The following PANK3 variants were observed in gnomAD, a reference collection of about 807,000 sequenced individuals.
PANK3 encodes hPanK3.
A neutral mutation model predicts 39.4 loss-of-function variants in PANK3; 20 were observed. The ratio of observed to expected loss-of-function variants is 0.51; its 90% CI spans 0.36 to 0.74. The LOEUF (loss-of-function observed/expected upper bound fraction) is 0.74. Ranked by LOEUF, PANK3 falls within the 30% of genes least tolerant of loss-of-function variation. The probability of loss-of-function intolerance (pLI) is 0.00; values close to 1 mark genes in which losing one functional copy is unlikely to be tolerated. For synonymous variants in PANK3, 140 were observed against 157.3 expected (o/e 0.89, Z 0.82); for missense variants, 265 against 437.0 (o/e 0.61, Z 3.51).
At position 168,557,459 on chromosome 5, in the gene PANK3, T is replaced by A. The variant is rs576810637; in HGVS notation, c.*112A>T. The A allele has an allele frequency of 7.6e-6, 7 of 924,052 alleles. No homozygotes were observed. The African/African-American group carries it at 1.2e-4, about 15-fold the overall frequency. 57.2% of individuals were successfully genotyped at this position (924,052 alleles called of 1,614,324 possible). A position where few individuals can be genotyped will look rare whatever the true frequency, so the allele number is the denominator to read the frequency against. On this transcript the variant is annotated 3_prime_UTR_variant, in exon 7 of 7. Transcript: ENST00000239231. ...CTTTAATATGGCAACATTCAGCAGC[T>A]TATGCTACTCTTTTATCCTTTGGTT...
rs1759301642 is a variant in PANK3 at position 168,553,370 on chromosome 5, C to T, written c.*4201G>A. On this transcript the variant is annotated 3_prime_UTR_variant, in exon 7 of 7. Transcript: ENST00000239231. ...TAGTGGCCCAGGATCAGCATTTCAA[C>T]CAACTCAGCTTGTCTGCAGAATCCC... 1 of 497,824 alleles carries T rather than the reference C, an allele frequency of 2.0e-6. No homozygotes were observed. Among genetic ancestry groups the T allele is most frequent in the Non-Finnish European group, 4.0e-6 (1 of 247,132 alleles). 30.8% of individuals were successfully genotyped at this position (497,824 alleles called of 1,614,324 possible). A position where few individuals can be genotyped will look rare whatever the true frequency, so the allele number is the denominator to read the frequency against.
In PANK3 at chr5:168,551,107, G is replaced by A. The variant is rs7341028; in HGVS notation, c.*6464C>T. ...CTTAACAGAAGGAATTCCTTTTTTAGGTCTTTAGTGATTATTACTAGGCTC... is the reference window on the plus strand; with the variant it reads ...CTTAACAGAAGGAATTCCTTTTTTAAGTCTTTAGTGATTATTACTAGGCTC... On this transcript the variant is annotated 3_prime_UTR_variant, in exon 7 of 7. Transcript: ENST00000239231. 3.3e-5 allele frequency: 5 copies of A among 152,058 alleles called. No individual in the cohort carries two copies. The highest frequency in any genetic ancestry group is 7.4e-5 in the Non-Finnish European group (5 of 67,978). 9.4% of individuals were successfully genotyped at this position (152,058 alleles called of 1,614,324 possible).
intron 1 of PANK3, among the ~76,000 whole-genome samples, chr5:168,572,867 G>A (rs949714965): frequency 2.6e-5 from 4 of 152,096 alleles, no homozygotes; most frequent in Non-Finnish European, 5.9e-5. Flanking sequence ...GGGCTGCTTC[G>A]AGTGGGATTA....
chr5:168,558,175 G>C (rs11740279), intron 6 of PANK3, among the ~76,000 whole-genome samples: 1 of 101,546 alleles, frequency 9.8e-6, no homozygotes, highest in Non-Finnish European at 1.9e-5. Flanking sequence ...TTTTTTTTTA[G>C]ACAGTCTCGC....
intron 1 of PANK3, among the ~76,000 whole-genome samples, chr5:168,577,731 A>T (rs545962589): frequency 1.3e-5 from 2 of 152,314 alleles, no homozygotes; most frequent in African/African-American, 2.4e-5. Flanking sequence ...AGTTTGTTCA[A>T]ATCTAAGTAA....
chr5:168,572,545 A>G (rs1163651123), intron 1 of PANK3, among the ~76,000 whole-genome samples: 1 of 151,456 alleles, frequency 6.6e-6, no homozygotes, highest in Admixed American at 6.6e-5. Flanking sequence ...TGAGAATTAC[A>G]AAGAACCTTC....
intron 3 of PANK3, among the ~76,000 whole-genome samples, chr5:168,565,314 A>C (rs1033986559): frequency 2.6e-5 from 4 of 152,160 alleles, no homozygotes; most frequent in African/African-American, 9.6e-5. Context: ...TTTATATCTT[A>C]TTTCTCATTC....
rs771907819 is a variant in PANK3 at position 168,566,249 on chromosome 5, C to G, written c.399G>C (p.Leu133=). Residue 133 remains leucine (L), a synonymous_variant, in exon 3 of 7, where the codon CTG becomes CTC. Transcript: ENST00000239231. ...KDFRTIGNLH[L]HKLDELDCLV... Reference sequence around the variant, plus strand: ...GGCAGTCAAGTTCATCCAGTTTGTGCAGGTGGAGGTTTCCAATCTGTTAAA... The same window carrying G: ...GGCAGTCAAGTTCATCCAGTTTGTGGAGGTGGAGGTTTCCAATCTGTTAAA... 1 of 1,597,924 alleles carries G rather than the reference C, an allele frequency of 6.3e-7. No homozygotes were observed. The highest frequency in any genetic ancestry group is 8.6e-7 in the Non-Finnish European group (1 of 1,167,546).
chr5:168,562,072 T>G (rs890033001), intron 4 of PANK3, among the ~76,000 whole-genome samples: 1 of 152,110 alleles, frequency 6.6e-6, no homozygotes, highest in East Asian at 1.9e-4. Flanking sequence ...AGCCAATATA[T>G]CCAAATATCA....
chr5:168,575,086 C>T (rs1006762558), intron 1 of PANK3, among the ~76,000 whole-genome samples: 11 of 151,850 alleles, frequency 7.2e-5, no homozygotes, highest in Non-Finnish European at 4.4e-5. Flanking sequence ...AAACAAAACA[C>T]ACATTACACA....
chr5:168,573,798 G>C (rs1270164603), intron 1 of PANK3, among the ~76,000 whole-genome samples: 1 of 151,442 alleles, frequency 6.6e-6, no homozygotes, highest in Non-Finnish European at 1.5e-5. Context: ...ATAGTTTACT[G>C]AGAATGATGA....
chr5:168,574,520 T>A (rs925440117), intron 1 of PANK3, among the ~76,000 whole-genome samples: 1 of 152,122 alleles, frequency 6.6e-6, no homozygotes, highest in African/African-American at 2.4e-5. Context: ...TATACAGACA[T>A]TAAGTACAAC....
intron 1 of PANK3, among the ~76,000 whole-genome samples, chr5:168,576,426 C>T (rs1258093869): frequency 6.6e-6 from 1 of 152,098 alleles, no homozygotes; most frequent in Non-Finnish European, 1.5e-5. Flanking sequence ...AAATCTGTAC[C>T]CTAAGAAATC....
chr5:168,551,331 A>C lies in PANK3; in HGVS notation c.*6240T>G, dbSNP rs1021270084. The C allele has an allele frequency of 3.3e-5, 5 of 152,190 alleles. No homozygotes were observed. The highest frequency in any genetic ancestry group is 1.2e-4 in the African/African-American group (5 of 41,446). The allele number at this position is 152,190 out of a possible 1,614,324, so 9.4% of individuals were successfully genotyped here. On this transcript the variant is annotated 3_prime_UTR_variant, in exon 7 of 7. Coordinates refer to ENST00000239231, the MANE Select transcript of PANK3 (RefSeq NM_024594.4). ...TGAGGTCAGAGAGTATTATCACAAAAAGATAATATATTTCTAATGTTTTGT... is the reference window on the plus strand; with the variant it reads ...TGAGGTCAGAGAGTATTATCACAAACAGATAATATATTTCTAATGTTTTGT...
intron 1 of PANK3, among the ~76,000 whole-genome samples, chr5:168,575,571 A>C (rs1331949547): frequency 6.6e-6 from 1 of 152,210 alleles, no homozygotes; most frequent in East Asian, 1.9e-4. Context: ...ACTTAAGCTA[A>C]GGAGTTCAAG....
intron 1 of PANK3, among the ~76,000 whole-genome samples, chr5:168,576,437 A>G (rs1421978426): frequency 6.6e-6 from 1 of 152,212 alleles, no homozygotes; most frequent in Non-Finnish European, 1.5e-5. Flanking sequence ...CTAAGAAATC[A>G]TGGCAGGCAG....
intron 4 of PANK3, among the ~76,000 whole-genome samples, chr5:168,563,425 C>T (rs988196225): frequency 6.6e-6 from 1 of 152,052 alleles, no homozygotes; most frequent in Non-Finnish European, 1.5e-5. Flanking sequence ...TTTCATTTAC[C>T]GCTGGTGAGA....
At chr5:168,576,965 C>T (rs1399860914) in intron 1 of PANK3, among the ~76,000 whole-genome samples, 1 of 151,876 alleles carries the variant, frequency 6.6e-6, no homozygotes, top group African/African-American at 2.4e-5. Flanking sequence ...CTGTAACCTC[C>T]GCCTCCTGGG....
rs1409750715 is a variant in PANK3, at chr5:168,551,154, A to AT, written c.*6416dup. 1 of 152,172 alleles carries AT rather than the reference A, an allele frequency of 6.6e-6. No homozygotes were observed. The highest frequency in any genetic ancestry group is 1.9e-4 in the East Asian group (1 of 5,194). 9.4% of individuals were successfully genotyped at this position (152,172 alleles called of 1,614,324 possible). A position where few individuals can be genotyped will look rare whatever the true frequency, so the allele number is the denominator to read the frequency against. The stretch of plus-strand genomic sequence containing the variant: ...GCTCAGTAGAAACCAGAAGACAATT[A>AT]TTCTCTTAAATATTGAAAAGAGGCA... On this transcript the variant is annotated 3_prime_UTR_variant, in exon 7 of 7. Coordinates refer to ENST00000239231, the MANE Select transcript of PANK3 (RefSeq NM_024594.4).
Sources: gnomAD v4.1 joint callset for allele counts (sites outside exome capture counted in the v4.1 genomes callset) on GRCh38, gnomAD v4.1.1 for gene constraint, MANE v1.5 for transcripts, NCBI Gene and HGNC (gene_info 2026-07-23, HGNC 2026-07-21) for gene names.